The following ENOX2 variants were observed in gnomAD, a reference collection of about 807,000 sequenced individuals.
ENOX2 encodes APK1 antigen.
A neutral mutation model predicts 45.0 loss-of-function variants in ENOX2; 36 were observed. That is an observed-to-expected ratio of 0.80 (90% confidence interval 0.61 to 1.06). The LOEUF (loss-of-function observed/expected upper bound fraction) is 1.06, where lower values mean the gene tolerates loss of function less well. Among genes scored for constraint, ENOX2 ranks in the 50% least tolerant of loss-of-function variants. The pLI is 0.00. For missense variants in ENOX2, 423 were observed against 462.5 expected, an observed-to-expected ratio of 0.91 and a Z score of 0.78; for synonymous variants, 174 against 152.3, an observed-to-expected ratio of 1.14 and a Z score of -1.05.
chrX:130,679,866 T>C, intron 5 of ENOX2, 118 bp from the exon 6 acceptor site: 1 of 530,581 alleles, frequency 1.9e-6, no homozygotes, highest in South Asian at 2.9e-5. Context: ...GTCAGAAGGA[T>C]GTGGCCTCTG....
intron 2 of ENOX2, among the ~76,000 whole-genome samples, chrX:130,827,998 T>C (rs190132467): frequency 6.2e-5 from 7 of 112,323 alleles, no homozygotes; most frequent in African/African-American, 2.3e-4. Context: ...GATATTATCA[T>C]TGTCATTTTT....
chrX:130,730,499 A>G (rs1401029340), intron 3 of ENOX2, among the ~76,000 whole-genome samples: 1 of 112,143 alleles, frequency 8.9e-6, no homozygotes, highest in African/African-American at 3.2e-5. Flanking sequence ...CAGGAGGAGA[A>G]GCCTAGTGTT....
intron 2 of ENOX2, among the ~76,000 whole-genome samples, chrX:130,889,622 ATGAATCTAAAG>A (rs1397285634): frequency 9.0e-6 from 1 of 111,426 alleles, no homozygotes; most frequent in African/African-American, 3.3e-5. Context: ...AAAAGAGAAA[ATGAATCTAAAG>A]TGAGAGCTTT....
At chrX:130,873,708 G>A (rs1206472702) in intron 2 of ENOX2, among the ~76,000 whole-genome samples, 5 of 111,844 alleles carry the variant, frequency 4.5e-5, no homozygotes, top group African/African-American at 1.6e-4. Flanking sequence ...GGAATACTAT[G>A]CAGTCATAAA....
At chrX:130,876,087 G>A (rs142723595) in intron 2 of ENOX2, among the ~76,000 whole-genome samples, 170 of 111,453 alleles carry the variant, frequency 1.5e-3, no homozygotes, top group African/African-American at 5.2e-3. Flanking sequence ...CATGACCCAG[G>A]TATATACGCC....
chrX:130,828,497 T>C (rs2077760996), intron 2 of ENOX2, among the ~76,000 whole-genome samples: 1 of 112,281 alleles, frequency 8.9e-6, no homozygotes, highest in Non-Finnish European at 1.9e-5. Flanking sequence ...TTTATGTTTG[T>C]AATTAATACC....
chrX:130,839,144 G>A (rs192971950), intron 2 of ENOX2, among the ~76,000 whole-genome samples: 1 of 112,379 alleles, frequency 8.9e-6, no homozygotes, highest in East Asian at 2.8e-4. Flanking sequence ...TAAAGAGGTA[G>A]AGTTCATGCT....
At chrX:130,636,749 T>C (rs2035941561) in intron 11 of ENOX2, among the ~76,000 whole-genome samples, 1 of 112,747 alleles carries the variant, frequency 8.9e-6, no homozygotes. Context: ...TATTATGTGC[T>C]CAAAGCATTG....
intron 10 of ENOX2, among the ~76,000 whole-genome samples, chrX:130,649,043 CAAAAAAAAAAAAAAAA>C (rs35154919): frequency 0.03 from 206 of 6,815 alleles, 5 homozygotes; most frequent in African/African-American, 0.06. Flanking sequence ...GACTCCATAT[CAAAAAAAAAAAAAAAA>C]AAAAAAAAAA....
intron 9 of ENOX2, among the ~76,000 whole-genome samples, chrX:130,661,580 T>C (rs2036690007): frequency 8.9e-6 from 1 of 111,900 alleles, no homozygotes; most frequent in Non-Finnish European, 1.9e-5. Context: ...TCTACACTTA[T>C]GTAGAAATTT....
chrX:130,824,422 G>A (rs5977381), intron 2 of ENOX2, among the ~76,000 whole-genome samples: 29,262 of 110,737 alleles, frequency 0.26, 3,193 homozygotes, highest in African/African-American at 0.42. Flanking sequence ...CTTATTTTAT[G>A]TGAAGTCATA....
chrX:130,840,562 TA>T (rs1176948896), intron 2 of ENOX2, among the ~76,000 whole-genome samples: 1 of 109,032 alleles, frequency 9.2e-6, no homozygotes, highest in Non-Finnish European at 1.9e-5. Flanking sequence ...AATAAATAAA[TA>T]AAACAGTCTA....
At chrX:130,633,261 G>A (rs1173455844) in intron 12 of ENOX2, among the ~76,000 whole-genome samples, 1 of 111,539 alleles carries the variant, frequency 9.0e-6, no homozygotes, top group Non-Finnish European at 1.9e-5. Flanking sequence ...AATAAAAAAA[G>A]AGATCCCTCC....
At chrX:130,726,421 C>T (rs900800095) in intron 3 of ENOX2, among the ~76,000 whole-genome samples, 1 of 112,434 alleles carries the variant, frequency 8.9e-6, no homozygotes, top group Non-Finnish European at 1.9e-5. Flanking sequence ...CAGTTACAGG[C>T]TTCTTCAATT....
chrX:130,690,606 C>G (rs2037566703), intron 4 of ENOX2, among the ~76,000 whole-genome samples: 1 of 112,073 alleles, frequency 8.9e-6, no homozygotes, highest in African/African-American at 3.2e-5. Context: ...GACTTACTCC[C>G]AAAGACTTCA....
At chrX:130,731,452 G>A (rs926504155) in intron 3 of ENOX2, among the ~76,000 whole-genome samples, 1 of 111,892 alleles carries the variant, frequency 8.9e-6, no homozygotes, top group Non-Finnish European at 1.9e-5. Flanking sequence ...TTTGACAAAG[G>A]TGCAAAACCA....
intron 2 of ENOX2, among the ~76,000 whole-genome samples, chrX:130,813,496 C>A (rs1339555734): frequency 1.8e-5 from 2 of 111,913 alleles, no homozygotes; most frequent in Non-Finnish European, 3.8e-5. Flanking sequence ...GTCTGCAGCT[C>A]CCAGCAAGAT....
At chrX:130,778,591 C>T (rs1215120774) in intron 3 of ENOX2, among the ~76,000 whole-genome samples, 1 of 111,834 alleles carries the variant, frequency 8.9e-6, no homozygotes, top group Non-Finnish European at 1.9e-5. Context: ...ATGTGTAAAA[C>T]GCAATGAGTA....
intron 3 of ENOX2, among the ~76,000 whole-genome samples, chrX:130,718,620 T>A (rs901620392): frequency 3.5e-4 from 39 of 112,535 alleles, no homozygotes; most frequent in African/African-American, 1.3e-3. Context: ...TCAGTTCTAT[T>A]AAAGTCAAGG....
Sources: gnomAD v4.1 joint callset for allele counts (sites outside exome capture counted in the v4.1 genomes callset) on GRCh38, gnomAD v4.1.1 for gene constraint, MANE v1.5 for transcripts, NCBI Gene and HGNC (gene_info 2026-07-23, HGNC 2026-07-21) for gene names.